The following ANGPT2 variants were observed in gnomAD, a reference collection of about 807,000 sequenced individuals.
ANGPT2 encodes angiopoietin-2.
In ANGPT2, 28 loss-of-function variants were observed where a neutral mutation model predicts 62.9. The ratio of observed to expected loss-of-function variants is 0.44; its 90% CI spans 0.33 to 0.61. The LOEUF is 0.61. Ranked by LOEUF, ANGPT2 falls within the 20% of genes least tolerant of loss-of-function variation. The pLI is 0.03. For synonymous variants in ANGPT2, 284 were observed against 207.8 expected, an observed-to-expected ratio of 1.37 and a Z score of -3.15; for missense variants, 727 against 594.9, an observed-to-expected ratio of 1.22 and a Z score of -2.31.
At chr8:6,554,744 G>A (rs2515499) in intron 1 of ANGPT2, among the ~76,000 whole-genome samples, 1 of 152,104 alleles carries the variant, frequency 6.6e-6, no homozygotes, top group African/African-American at 2.4e-5. Flanking sequence ...ACCATCAGAG[G>A]AGCCCTCGGA....
rs2129562953 is a variant in ANGPT2, at chr8:6,501,868, AT to A, written c.*1232del. 1 of 151,052 alleles carries A rather than the reference AT, an allele frequency of 6.6e-6. No homozygotes were observed. Among genetic ancestry groups the A allele is most frequent in the South Asian group, 2.1e-4 (1 of 4,788 alleles). 9.4% of individuals were successfully genotyped at this position (151,052 alleles called of 1,614,324 possible). ...ACTGCGCCCAGCCCTGTGTTCTCAA[AT>A]TTTTGGTAAATATTTAAATATATTA... On this transcript the variant is annotated 3_prime_UTR_variant, in exon 9 of 9. Coordinates refer to ENST00000629816, the MANE Select transcript of ANGPT2 (RefSeq NM_001118887.2).
In ANGPT2 at chr8:6,499,894, C is replaced by T. The variant is rs1353043911; in HGVS notation, c.*3207G>A. On this transcript the variant is annotated 3_prime_UTR_variant, in exon 9 of 9. Transcript: ENST00000629816. The stretch of plus-strand genomic sequence containing the variant: ...ATTGGGTCACTGGATTTCTGAGGAG[C>T]CGTTCGAACTGTCTCACCACTTCCC... 18 of 1,613,438 alleles carry T rather than the reference C, an allele frequency of 1.1e-5. No individual in the cohort carries two copies. The highest frequency in any genetic ancestry group is 1.5e-5 in the Non-Finnish European group (18 of 1,180,006).
intron 1 of ANGPT2, among the ~76,000 whole-genome samples, chr8:6,560,929 G>A (rs899263544): frequency 9.9e-5 from 15 of 152,184 alleles, no homozygotes; most frequent in African/African-American, 2.9e-4. Flanking sequence ...CTGTTTCTTC[G>A]AGGAGATGAC....
chr8:6,507,213 A>G (rs761509729), intron 8 of ANGPT2, among the ~76,000 whole-genome samples: 106 of 152,220 alleles, frequency 7.0e-4, no homozygotes, highest in Admixed American at 6.4e-3. Context: ...AATGATTCCT[A>G]TAGTGTAAAT....
intron 1 of ANGPT2, among the ~76,000 whole-genome samples, chr8:6,535,804 T>C (rs1264284170): frequency 6.6e-6 from 1 of 152,056 alleles, no homozygotes. Flanking sequence ...TCCCAGCACT[T>C]TGGGAGGCCG....
At chr8:6,522,592 G>A (rs1303366279) in intron 3 of ANGPT2, among the ~76,000 whole-genome samples, 2 of 151,856 alleles carry the variant, frequency 1.3e-5, no homozygotes, top group African/African-American at 4.8e-5. Flanking sequence ...TGGCCAACAT[G>A]GTGAAACCCT....
At chr8:6,504,821 C>G (rs956044142) in intron 8 of ANGPT2, among the ~76,000 whole-genome samples, 2 of 152,000 alleles carry the variant, frequency 1.3e-5, no homozygotes, top group African/African-American at 4.8e-5. Context: ...TATGTGTGAA[C>G]AGGAAAAAAT....
intron 1 of ANGPT2, among the ~76,000 whole-genome samples, chr8:6,558,579 A>T (rs1208657465): frequency 6.6e-6 from 1 of 152,180 alleles, no homozygotes; most frequent in Non-Finnish European, 1.5e-5. Context: ...AACCTGTTTG[A>T]CAACTGTAAA....
intron 1 of ANGPT2, among the ~76,000 whole-genome samples, chr8:6,539,017 T>C (rs866751213): frequency 3.8e-5 from 5 of 131,290 alleles, no homozygotes; most frequent in Non-Finnish European, 8.1e-5. Flanking sequence ...CCCCCTCCTT[T>C]TAGAGTTGGG....
chr8:6,559,003 C>T (rs927779510), intron 1 of ANGPT2, among the ~76,000 whole-genome samples: 1 of 152,082 alleles, frequency 6.6e-6, no homozygotes, highest in Non-Finnish European at 1.5e-5. Flanking sequence ...TTCCTTACTG[C>T]ATTCCTTACT....
chr8:6,513,019 A>G (rs1815485094), intron 7 of ANGPT2, among the ~76,000 whole-genome samples: 1 of 152,258 alleles, frequency 6.6e-6, no homozygotes, highest in African/African-American at 2.4e-5. Flanking sequence ...CACAGTCACA[A>G]GTATCCATCA....
intron 8 of ANGPT2, among the ~76,000 whole-genome samples, chr8:6,505,123 C>T (rs1361658797): frequency 1.3e-5 from 1 of 79,142 alleles, no homozygotes; most frequent in Non-Finnish European, 3.0e-5. Context: ...GGCAGGTCCT[C>T]TTTAGCCTTA....
chr8:6,522,265 G>A (rs1817503206), intron 3 of ANGPT2, among the ~76,000 whole-genome samples: 1 of 152,144 alleles, frequency 6.6e-6, no homozygotes, highest in Non-Finnish European at 1.5e-5. Flanking sequence ...TGAGGCAGGA[G>A]AATGGCGTGA....
Position 6,503,014 on chromosome 8 carries a change from GAC to G in ANGPT2, c.*85_*86del. 6.7e-7 allele frequency: 1 copy of G among 1,496,778 alleles called. No homozygotes were observed. Among genetic ancestry groups the G allele is most frequent in the Non-Finnish European group, 9.2e-7 (1 of 1,090,500 alleles). 92.7% of individuals were successfully genotyped at this position (1,496,778 alleles called of 1,614,324 possible). A position where few individuals can be genotyped will look rare whatever the true frequency, so the allele number is the denominator to read the frequency against. On this transcript the variant is annotated 3_prime_UTR_variant, in exon 9 of 9. Transcript: ENST00000629816. ...GCACACGCCCTCTGTGGTGGAAGAG[GAC>G]ACAGTGCGCAGCCGTGACTTTCAGT...
At chr8:6,529,711 C>T (rs1483942135) in intron 2 of ANGPT2, among the ~76,000 whole-genome samples, 1 of 150,782 alleles carries the variant, frequency 6.6e-6, no homozygotes, top group Non-Finnish European at 1.5e-5. Context: ...GCGATCCACC[C>T]ACCTCGGCCT....
intron 3 of ANGPT2, among the ~76,000 whole-genome samples, chr8:6,525,838 C>A (rs1818226265): frequency 6.6e-6 from 1 of 152,128 alleles, no homozygotes; most frequent in Non-Finnish European, 1.5e-5. Context: ...GCTTATTCTT[C>A]CTACAGGCAT....
At chr8:6,525,149 G>A (rs754252822) in intron 3 of ANGPT2, among the ~76,000 whole-genome samples, 1 of 152,170 alleles carries the variant, frequency 6.6e-6, no homozygotes, top group Non-Finnish European at 1.5e-5. Context: ...CCAAGGAACT[G>A]GCTACCCATT....
intron 1 of ANGPT2, among the ~76,000 whole-genome samples, chr8:6,562,024 TGGGAACTGTGCCCCTGTTTACAGAC>T (rs1197383342): frequency 6.6e-6 from 1 of 152,210 alleles, no homozygotes; most frequent in East Asian, 1.9e-4. Flanking sequence ...CTGGGACGCT[TGGGAACTGTGCCCCTGTTTACAGAC>T]GGCAAGCCCT....
intron 5 of ANGPT2, among the ~76,000 whole-genome samples, chr8:6,514,987 A>T (rs1815969297): frequency 6.6e-6 from 1 of 152,198 alleles, no homozygotes; most frequent in Non-Finnish European, 1.5e-5. Context: ...GGTGAAACAT[A>T]AACAGTAATA....
Sources: gnomAD v4.1 joint callset for allele counts (sites outside exome capture counted in the v4.1 genomes callset) on GRCh38, gnomAD v4.1.1 for gene constraint, MANE v1.5 for transcripts, NCBI Gene and HGNC (gene_info 2026-07-23, HGNC 2026-07-21) for gene names.